Variants in CRHBP observed in about 807,000 individuals in gnomAD.
CRHBP encodes corticotropin releasing hormone binding protein.
In CRHBP, 19 loss-of-function variants were observed where a neutral mutation model predicts 34.9. The ratio of observed to expected loss-of-function variants is 0.55; its 90% CI spans 0.38 to 0.80. The LOEUF is 0.80. Among genes scored for constraint, CRHBP ranks in the 30% least tolerant of loss-of-function variants. CRHBP has a pLI of 0.00. For synonymous variants in CRHBP, 154 were observed against 153.4 expected (o/e 1.00, Z -0.03); for missense variants, 328 against 409.2 (o/e 0.80, Z 1.71).
At chr5:76,970,207 A>G (rs555669845), downstream of CRHBP, among the ~76,000 whole-genome samples, 5 of 152,162 alleles carry the variant, frequency 3.3e-5, no homozygotes, top group African/African-American at 7.2e-5. Flanking sequence ...TGGCCTCCCA[A>G]AGTGCTGGGA....
Position 76,968,902 on chromosome 5 carries a change from T to C in CRHBP, c.*17T>C. The stretch of plus-strand genomic sequence containing the variant: ...GGTCTTTGAATAACCAACCCAGTGA[T>C]TTACATGCTGATAGCTAAGTGAGTT... On this transcript the variant is annotated 3_prime_UTR_variant, in exon 7 of 7. Transcript: ENST00000274368. The C allele has an allele frequency of 6.2e-7, 1 of 1,607,746 alleles. No homozygotes were observed. Among genetic ancestry groups the C allele is most frequent in the Non-Finnish European group, 8.5e-7 (1 of 1,175,790 alleles).
At chr5:76,972,513 A>C (rs1435071333), downstream of CRHBP, among the ~76,000 whole-genome samples, 1 of 151,984 alleles carries the variant, frequency 6.6e-6, no homozygotes, top group Non-Finnish European at 1.5e-5. Context: ...AAAAAAATTT[A>C]TAGAGACAGG....
intron 2 of CRHBP, among the ~76,000 whole-genome samples, chr5:76,975,842 A>ATATATG (rs1176894871): frequency 3.0e-5 from 3 of 100,566 alleles, no homozygotes; most frequent in African/African-American, 1.0e-4. Flanking sequence ...ATATATATAT[A>ATATATG]TATACACGCA....
exon 3 of CRHBP, chr5:76,976,396 A>G (rs987510867): frequency 4.6e-5 from 7 of 152,212 alleles, no homozygotes; most frequent in African/African-American, 1.7e-4. Context: ...AATGCAATCT[A>G]TCCTGTGTGG....
chr5:76,953,548 T>A (rs1002935310), intron 1 of CRHBP, 53 bp from the exon 2 acceptor site: 7 of 1,553,802 alleles, frequency 4.5e-6, no homozygotes, highest in Non-Finnish European at 5.3e-6. Context: ...CCTGGTCCCC[T>A]TTTTTATCCC....
chr5:76,970,363 C>T (rs1462974995), downstream of CRHBP, among the ~76,000 whole-genome samples: 1 of 151,920 alleles, frequency 6.6e-6, no homozygotes, highest in Non-Finnish European at 1.5e-5. Context: ...TTGGCATATA[C>T]TGGGATCCTA....
At chr5:76,971,367 C>T (rs954365718), downstream of CRHBP, among the ~76,000 whole-genome samples, 5 of 152,182 alleles carry the variant, frequency 3.3e-5, no homozygotes, top group Non-Finnish European at 4.4e-5. Context: ...AGCTCAAGAC[C>T]TGTGTCTCAC....
At chr5:76,955,574 T>C in intron 3 of CRHBP, 79 bp from the exon 4 acceptor site, 3 of 1,339,858 alleles carry the variant, frequency 2.2e-6, no homozygotes, top group South Asian at 2.7e-5. Context: ...GCTGGATGAC[T>C]TTCCCCCCCT....
intron 1 of CRHBP, 178 bp downstream of exon 1, chr5:76,953,393 A>G (rs1745603261): frequency 1.2e-6 from 1 of 818,644 alleles, no homozygotes; most frequent in Non-Finnish European, 2.0e-6. Flanking sequence ...AGCATCCCAG[A>G]CTGCCTGCCT....
chr5:76,956,212 A>G (rs1745666008), intron 4 of CRHBP, among the ~76,000 whole-genome samples: 2 of 152,136 alleles, frequency 1.3e-5, no homozygotes, highest in Non-Finnish European at 2.9e-5. Context: ...GATCAGATAT[A>G]AAGTTGCAGT....
chr5:76,970,929 A>T (rs1456635038), downstream of CRHBP, among the ~76,000 whole-genome samples: 6 of 152,204 alleles, frequency 3.9e-5, no homozygotes, highest in Non-Finnish European at 8.8e-5. Flanking sequence ...AGTGAACAAC[A>T]GGTTACATTC....
intron 1 of CRHBP, 112 bp from the exon 2 acceptor site, chr5:76,953,489 C>G: frequency 1.8e-6 from 2 of 1,108,678 alleles, no homozygotes; most frequent in East Asian, 2.6e-5. Context: ...GAAAACATTA[C>G]CCCTCTCTCT....
chr5:76,957,892 G>A (rs529161119), intron 4 of CRHBP, among the ~76,000 whole-genome samples: 1 of 152,046 alleles, frequency 6.6e-6, no homozygotes, highest in African/African-American at 2.4e-5. Flanking sequence ...TGGCATGGGG[G>A]CTCACTCCTG....
intron 3 of CRHBP, among the ~76,000 whole-genome samples, chr5:76,954,868 T>G (rs557822458): frequency 2.3e-4 from 35 of 152,340 alleles, no homozygotes; most frequent in South Asian, 1.0e-3. Context: ...ACTGTCCAAT[T>G]AAAATAATCA....
At chr5:76,967,198 C>T (rs184689751) in intron 6 of CRHBP, among the ~76,000 whole-genome samples, 13 of 152,120 alleles carry the variant, frequency 8.5e-5, no homozygotes. Flanking sequence ...GCCAAGATGG[C>T]ACCACTGCAC....
intron 5 of CRHBP, chr5:76,959,147 T>C (rs930922858): frequency 6.3e-5 from 22 of 347,646 alleles, no homozygotes; most frequent in Non-Finnish European, 1.1e-4. Context: ...GTGTTTTCAA[T>C]TGGTAAAGTT....
At chr5:76,975,825 A>AATATATATATATAT (rs1217039736) in intron 2 of CRHBP, among the ~76,000 whole-genome samples, 139 of 61,432 alleles carry the variant, frequency 2.3e-3, no homozygotes, top group Non-Finnish European at 2.6e-3. Flanking sequence ...AAAAAAAAAA[A>AATATATATATATAT]ATATATATAT....
downstream of CRHBP, among the ~76,000 whole-genome samples, chr5:76,971,060 C>T (rs1464825304): frequency 2.0e-5 from 3 of 152,058 alleles, no homozygotes; most frequent in East Asian, 1.9e-4. Context: ...ATGAAATCTC[C>T]GGGGGAGATT....
At chr5:76,967,645 C>T (rs574702281) in intron 6 of CRHBP, among the ~76,000 whole-genome samples, 4 of 151,058 alleles carry the variant, frequency 2.6e-5, no homozygotes, top group Middle Eastern at 3.4e-3. Context: ...AATATATAAC[C>T]CATACAGAGG....
Sources: gnomAD v4.1 joint callset for allele counts (sites outside exome capture counted in the v4.1 genomes callset) on GRCh38, gnomAD v4.1.1 for gene constraint, MANE v1.5 for transcripts, NCBI Gene and HGNC (gene_info 2026-07-23, HGNC 2026-07-21) for gene names.